The following HERC1 variants were observed in gnomAD, a reference collection of about 807,000 sequenced individuals.
The protein encoded by HERC1 is HECT and RLD domain containing E3 ubiquitin protein ligase family member 1.
In HERC1, 160 loss-of-function variants were observed where a neutral mutation model predicts 554.3. The observed-to-expected ratio is 0.29, with a 90% confidence interval of 0.25 to 0.33. The LOEUF is 0.33. Ranked by LOEUF, HERC1 falls within the 10% of genes least tolerant of loss-of-function variation. HERC1 has a pLI of 1.00. For missense variants in HERC1, 4,919 were observed against 5,918.5 expected, an observed-to-expected ratio of 0.83 and a Z score of 5.54; for synonymous variants, 2,175 against 2,131.7, an observed-to-expected ratio of 1.02 and a Z score of -0.56.
chr15:63,620,575 T>A (rs1247151408), intron 74 of HERC1, among the ~76,000 whole-genome samples: 2 of 152,156 alleles, frequency 1.3e-5, no homozygotes, highest in African/African-American at 4.8e-5. Flanking sequence ...CGTTGATCTG[T>A]CTAATGTTGA....
At chr15:63,655,155 A>G (rs1482567409) in intron 50 of HERC1, among the ~76,000 whole-genome samples, 2 of 152,048 alleles carry the variant, frequency 1.3e-5, no homozygotes, top group African/African-American at 2.4e-5. Context: ...GGAGTTCAAG[A>G]CAAGCCTGGC....
At chr15:63,760,732 AAAG>A (rs1431892667) in intron 3 of HERC1, among the ~76,000 whole-genome samples, 1 of 152,066 alleles carries the variant, frequency 6.6e-6, no homozygotes, top group Non-Finnish European at 1.5e-5. Flanking sequence ...AGAAATCCCT[AAAG>A]AATAGAACCC....
At chr15:63,822,523 T>C (rs559331057) in intron 1 of HERC1, among the ~76,000 whole-genome samples, 29 of 151,786 alleles carry the variant, frequency 1.9e-4, no homozygotes, top group South Asian at 6.2e-4. Context: ...GAGGCAGAGG[T>C]TGCAGTGAGC....
chr15:63,612,955 G>A lies in HERC1; in HGVS notation c.14095-399C>T, dbSNP rs1408498336. Among the ~76,000 whole-genome samples the A allele has an allele frequency of 6.6e-6, 1 of 152,150 alleles. No individual in the cohort carries two copies. Among genetic ancestry groups the A allele is most frequent in the Admixed American group, 6.5e-5 (1 of 15,270 alleles). On this transcript the variant is annotated intron_variant, in intron 76 of 77. Transcript: ENST00000443617. The surrounding 1 kb of genome is among the most constrained non-coding windows in gnomAD (Gnocchi z 5.0). ...CTCATAAAGGTAAGAAGCTTTGGGGGCACTCAACTAGCTGCCTACTGTTTT... is the reference window on the plus strand; with the variant it reads ...CTCATAAAGGTAAGAAGCTTTGGGGACACTCAACTAGCTGCCTACTGTTTT...
intron 1 of HERC1, among the ~76,000 whole-genome samples, chr15:63,783,437 A>G (rs2076345684): frequency 6.6e-6 from 1 of 152,200 alleles, no homozygotes; most frequent in Non-Finnish European, 1.5e-5. Flanking sequence ...TAATTAAGGT[A>G]CATACATTGC....
chr15:63,772,116 C>T (rs2075973690), intron 2 of HERC1, among the ~76,000 whole-genome samples: 1 of 151,058 alleles, frequency 6.6e-6, no homozygotes, highest in African/African-American at 2.4e-5. Flanking sequence ...GAGCAAAACT[C>T]CATCTCAAAA....
At chr15:63,789,650 T>A (rs980426119) in intron 1 of HERC1, among the ~76,000 whole-genome samples, 1 of 151,148 alleles carries the variant, frequency 6.6e-6, no homozygotes, top group African/African-American at 2.4e-5. Context: ...ATACAAAAAT[T>A]AGCTAGGCGT....
intron 8 of HERC1, among the ~76,000 whole-genome samples, chr15:63,751,998 G>T (rs560315151): frequency 6.6e-6 from 1 of 152,190 alleles, no homozygotes; most frequent in East Asian, 1.9e-4. Context: ...TGCTCAAGGG[G>T]TGTCTGTTAT....
intron 1 of HERC1, among the ~76,000 whole-genome samples, chr15:63,806,365 A>G (rs553191178): frequency 1.3e-5 from 2 of 152,076 alleles, no homozygotes; most frequent in Non-Finnish European, 2.9e-5. Context: ...GACTTCTTCC[A>G]TGAAGCTTTT....
chr15:63,764,809 G>GA (rs1481113153), intron 2 of HERC1, among the ~76,000 whole-genome samples: 2 of 152,156 alleles, frequency 1.3e-5, no homozygotes, highest in African/African-American at 2.4e-5. Flanking sequence ...CCAACAGACA[G>GA]AAAAAAACCC....
At chr15:63,682,941 G>GCCTGGCCAACATGGTGAAA (rs1336944780) in intron 34 of HERC1, among the ~76,000 whole-genome samples, 1 of 151,864 alleles carries the variant, frequency 6.6e-6, no homozygotes, top group Non-Finnish European at 1.5e-5. Flanking sequence ...TTCAAGTCCA[G>GCCTGGCCAACATGGTGAAA]CCTGGCCAAC....
intron 1 of HERC1, among the ~76,000 whole-genome samples, chr15:63,798,240 G>C (rs180777219): frequency 2.0e-5 from 3 of 152,224 alleles, no homozygotes; most frequent in Admixed American, 2.0e-4. Context: ...CCCAGTTCTA[G>C]TGTATCCTCC....
intron 1 of HERC1, among the ~76,000 whole-genome samples, chr15:63,810,317 T>C (rs2077263406): frequency 6.6e-6 from 1 of 152,084 alleles, no homozygotes; most frequent in Non-Finnish European, 1.5e-5. Flanking sequence ...TGTATACACA[T>C]ACACTGAAAT....
intron 21 of HERC1, among the ~76,000 whole-genome samples, chr15:63,716,921 AT>A (rs1376289645): frequency 3.9e-5 from 6 of 151,982 alleles, no homozygotes; most frequent in East Asian, 1.9e-4. Context: ...ATTGGTTTTA[AT>A]TTTTTTTCTT....
Position 63,609,278 on chromosome 15 carries a change from G to A in HERC1, c.14401-12C>T, listed in dbSNP as rs776510325. 2 of 1,596,332 alleles carry A rather than the reference G, an allele frequency of 1.3e-6. No homozygotes were observed. The highest frequency in any genetic ancestry group is 2.3e-5 in the South Asian group (2 of 88,236). ...AGACTGTCGTAAGGCTGTGGAGAGA[G>A]ACCCAGAGCCGTGACTGGGGACATC... On this transcript the variant is annotated splice_polypyrimidine_tract_variant and intron_variant, in intron 77 of 77. Coordinates refer to ENST00000443617, the MANE Select transcript of HERC1 (RefSeq NM_003922.4).
chr15:63,740,235 G>C (rs966953830), intron 12 of HERC1, among the ~76,000 whole-genome samples: 1 of 152,068 alleles, frequency 6.6e-6, no homozygotes, highest in African/African-American at 2.4e-5. Context: ...TAGAAGGTTC[G>C]GTTAGGTTGT....
intron 1 of HERC1, among the ~76,000 whole-genome samples, chr15:63,829,486 A>C (rs2078061517): frequency 1.0e-5 from 1 of 99,958 alleles, no homozygotes; most frequent in Non-Finnish European, 2.1e-5. Context: ...ATAAATATAT[A>C]TATATATATA....
In HERC1 at chr15:63,641,528, A is replaced by G; in HGVS notation, c.11549T>C (p.Met3850Thr). The G allele has an allele frequency of 1.2e-6, 2 of 1,613,468 alleles. No individual in the cohort carries two copies. The highest frequency in any genetic ancestry group is 1.7e-6 in the Non-Finnish European group (2 of 1,179,664). ...GGGGAGCCGCTCCAAAAATGCTCTC[A>G]TGCAGGGAGCCATGTTCAATCCCAG... ...GVLGLNMAPC[M>T]RAFLERLPMM... The change falls in exon 60 of 78, where the codon ATG (methionine) becomes ACG (threonine). Residue 3850 changes from methionine to threonine, a missense_variant. This residue lies in a region of HERC1 where 1,963 missense variants were observed against 2,228.6 expected (regional missense o/e 0.88). Coordinates refer to ENST00000443617, the MANE Select transcript of HERC1 (RefSeq NM_003922.4).
chr15:63,680,182 GAAAAGA>G lies in HERC1; in HGVS notation c.6466-28_6466-23del. 6.3e-7 allele frequency: 1 copy of G among 1,579,430 alleles called. No homozygotes were observed. The highest frequency in any genetic ancestry group is 8.6e-7 in the Non-Finnish European group (1 of 1,156,386). Reference sequence around the variant, plus strand: ...GTTCCTACAGTGTGGCAGCAGTGAGGAAAAGAAAAAGGAAATAGAAATTTTTTTAAT... The same window carrying G: ...GTTCCTACAGTGTGGCAGCAGTGAGGAAAAGGAAATAGAAATTTTTTTAAT... On this transcript the variant is annotated intron_variant, in intron 35 of 77. Coordinates refer to ENST00000443617, the MANE Select transcript of HERC1 (RefSeq NM_003922.4). This position sits in a 1 kb window ranked among gnomAD's most constrained non-coding sequence, Gnocchi z 5.8.
Sources: gnomAD v4.1 joint callset for allele counts (sites outside exome capture counted in the v4.1 genomes callset) on GRCh38, gnomAD v4.1.1 for gene constraint, gnomAD v4.1.1 regional missense constraint, Gnocchi (gnomAD v3.1) non-coding constraint, MANE v1.5 for transcripts, NCBI Gene and HGNC (gene_info 2026-07-23, HGNC 2026-07-21) for gene names.